Variants in PCDH15 observed in about 807,000 individuals in gnomAD.
The protein encoded by PCDH15 is protocadherin related 15, also known as protocadherin-15.
In PCDH15, 129 loss-of-function variants were observed where a neutral mutation model predicts 178.5. That is an observed-to-expected ratio of 0.72 (90% CI 0.63 to 0.84). The LOEUF is 0.84. PCDH15 is among the 40% of genes least tolerant of loss of function. The probability of loss-of-function intolerance (pLI) is 0.00; values close to 1 mark genes in which losing one functional copy is unlikely to be tolerated. For synonymous variants in PCDH15, 800 were observed against 732.0 expected, an observed-to-expected ratio of 1.09 and a Z score of -1.50; for missense variants, 2,230 against 2,099.9, an observed-to-expected ratio of 1.06 and a Z score of -1.21.
intron 2 of PCDH15, among the ~76,000 whole-genome samples, chr10:55,458,689 C>T (rs980893185): frequency 2.4e-4 from 37 of 151,864 alleles, no homozygotes; most frequent in Non-Finnish European, 2.4e-4. Flanking sequence ...AGGGGTGAAA[C>T]CAGTAAGGCA....
At chr10:53,946,967 G>A (rs2134138363) in intron 23 of PCDH15, among the ~76,000 whole-genome samples, 1 of 152,104 alleles carries the variant, frequency 6.6e-6, no homozygotes, top group Non-Finnish European at 1.5e-5. Context: ...TAGTAGAGAT[G>A]AGGTTTCACC....
chr10:55,347,891 G>T (rs1467983743), intron 2 of PCDH15, among the ~76,000 whole-genome samples: 1 of 151,828 alleles, frequency 6.6e-6, no homozygotes, highest in East Asian at 1.9e-4. Context: ...ATTTTTATTT[G>T]ATTCTCATCA....
At chr10:54,152,214 C>T (rs781485638) in intron 14 of PCDH15, among the ~76,000 whole-genome samples, 9 of 152,000 alleles carry the variant, frequency 5.9e-5, no homozygotes, top group Non-Finnish European at 1.0e-4. Flanking sequence ...TAGTAGAAAA[C>T]GTAGAATAAC....
At chr10:55,366,004 A>C (rs1213644860) in intron 2 of PCDH15, 1 of 152,158 alleles carries the variant, frequency 6.6e-6, no homozygotes, top group Non-Finnish European at 1.5e-5. Context: ...TCTAGGATTT[A>C]TCCTGTCAAG....
At chr10:55,319,466 C>T (rs1374257802) in intron 1 of PCDH15, 3 of 151,972 alleles carry the variant, frequency 2.0e-5, no homozygotes, top group African/African-American at 7.3e-5. Context: ...GCTGACTAGA[C>T]ATAGCCAGGA....
At chr10:54,306,239 T>C (rs2060460227) in intron 8 of PCDH15, among the ~76,000 whole-genome samples, 1 of 152,088 alleles carries the variant, frequency 6.6e-6, no homozygotes, top group Non-Finnish European at 1.5e-5. Context: ...TTTAAATTAA[T>C]GACCTTTTCT....
At chr10:55,432,793 A>G (rs1838918388) in intron 2 of PCDH15, among the ~76,000 whole-genome samples, 2 of 149,588 alleles carry the variant, frequency 1.3e-5, no homozygotes, top group Admixed American at 6.6e-5. Flanking sequence ...ATATATATAT[A>G]TATTTTATTT....
At chr10:55,379,605 A>G (rs1292908687) in intron 2 of PCDH15, among the ~76,000 whole-genome samples, 2 of 152,092 alleles carry the variant, frequency 1.3e-5, no homozygotes, top group African/African-American at 4.8e-5. Flanking sequence ...CCAAGGCTAC[A>G]GCTAAATACT....
At chr10:54,221,514 C>T (rs1032761717) in intron 9 of PCDH15, among the ~76,000 whole-genome samples, 12 of 152,092 alleles carry the variant, frequency 7.9e-5, no homozygotes, top group Non-Finnish European at 1.5e-4. Context: ...TTTCTCTCCC[C>T]ATTCATATTT....
chr10:54,804,052 T>C (rs1952733824), upstream of PCDH15, among the ~76,000 whole-genome samples: 1 of 152,180 alleles, frequency 6.6e-6, no homozygotes, highest in African/African-American at 2.4e-5. Flanking sequence ...TTTCTTTTTT[T>C]TTTTTGAGAT....
At chr10:55,077,422 C>T (rs555083086) in intron 2 of PCDH15, among the ~76,000 whole-genome samples, 6 of 146,170 alleles carry the variant, frequency 4.1e-5, no homozygotes, top group African/African-American at 1.0e-4. Context: ...TTCCTTCCTT[C>T]CTTCCTTCCT....
chr10:54,924,515 A>G (rs1837567189), intron 2 of PCDH15, among the ~76,000 whole-genome samples: 1 of 93,266 alleles, frequency 1.1e-5, no homozygotes, highest in South Asian at 3.1e-4. Context: ...TTGAGGAATA[A>G]CCATATTTTT....
intron 26 of PCDH15, among the ~76,000 whole-genome samples, chr10:53,873,361 C>G (rs561236755): frequency 1.3e-5 from 2 of 152,284 alleles, no homozygotes; most frequent in African/African-American, 4.8e-5. Context: ...TTGCTGCTTC[C>G]GCTGTTTGCT....
In PCDH15 at chr10:53,806,527, G is replaced by A; in HGVS notation, c.*52C>T. Reference sequence around the variant, plus strand: ...TTTCTCAGTGACAATAAAAAGCACAGTTTATTAAAAATGTAAGTAAAAATT... The same window carrying A: ...TTTCTCAGTGACAATAAAAAGCACAATTTATTAAAAATGTAAGTAAAAATT... On this transcript the variant is annotated 3_prime_UTR_variant, in exon 38 of 38. Coordinates refer to ENST00000644397, the MANE Select transcript of PCDH15 (RefSeq NM_001384140.1). 7.2e-7 allele frequency: 1 copy of A among 1,392,584 alleles called. No homozygotes were observed. The allele number at this position is 1,392,584 out of a possible 1,614,324, so 86.3% of individuals were successfully genotyped here.
chr10:55,327,912 A>C (rs983007120), intron 2 of PCDH15, among the ~76,000 whole-genome samples: 15 of 152,142 alleles, frequency 9.9e-5, no homozygotes, highest in African/African-American at 3.4e-4. Flanking sequence ...ATTCATGTTT[A>C]TTGGCTGTCA....
intron 2 of PCDH15, among the ~76,000 whole-genome samples, chr10:54,932,578 G>A (rs573584912): frequency 1.2e-4 from 18 of 152,204 alleles, no homozygotes; most frequent in Non-Finnish European, 1.9e-4. Flanking sequence ...GGTTTGAGAC[G>A]GAGTCTCATT....
Position 54,123,126 on chromosome 10 carries a change from T to C in PCDH15, c.1917+9749A>G, listed in dbSNP as rs118017091. Among the ~76,000 whole-genome samples, 966 of 152,266 alleles carry C rather than the reference T, an allele frequency of 6.3e-3. 3 individuals are homozygous for C. Among genetic ancestry groups the C allele is most frequent in the Non-Finnish European group, 0.01 (697 of 68,020 alleles). ...TCACCTTTGGCAAAGGATTTATGAT[T>C]AAGTCCTCGAAAGCAATTGCAACAA... On this transcript the variant is annotated intron_variant, in intron 15 of 37. Coordinates refer to ENST00000644397, the MANE Select transcript of PCDH15 (RefSeq NM_001384140.1).
At chr10:54,537,276 G>A (rs562248289) in intron 2 of PCDH15, among the ~76,000 whole-genome samples, 18 of 152,050 alleles carry the variant, frequency 1.2e-4, no homozygotes, top group Non-Finnish European at 1.8e-4. Context: ...TGGGATTACA[G>A]GCCTGAGCCA....
At chr10:55,482,111 G>T (rs958774014) in intron 2 of PCDH15, among the ~76,000 whole-genome samples, 2 of 151,688 alleles carry the variant, frequency 1.3e-5, no homozygotes, top group African/African-American at 2.4e-5. Flanking sequence ...ATCTTTGATG[G>T]TTTAAAGTCT....
Sources: allele counts gnomAD v4.1 joint callset (sites outside exome capture counted in the v4.1 genomes callset), GRCh38; gene constraint gnomAD v4.1.1; transcripts MANE v1.5; gene names NCBI Gene and HGNC (gene_info 2026-07-23, HGNC 2026-07-21).